Variants in ROBO2 observed in about 807,000 individuals in gnomAD.
ROBO2 encodes roundabout homolog 2.
In ROBO2, 53 loss-of-function variants were observed where a neutral mutation model predicts 160.8. That is an observed-to-expected ratio of 0.33 (90% CI 0.26 to 0.41). The LOEUF is 0.41. ROBO2 is among the 10% of genes least tolerant of loss of function. The pLI is 1.00. For missense variants in ROBO2, 1,577 were observed against 1,722.4 expected, an observed-to-expected ratio of 0.92 and a Z score of 1.49; for synonymous variants, 664 against 611.7, an observed-to-expected ratio of 1.09 and a Z score of -1.26.
chr3:77,025,550 G>T (rs2062911919), intron 2 of ROBO2, among the ~76,000 whole-genome samples: 1 of 152,124 alleles, frequency 6.6e-6, no homozygotes, highest in East Asian at 1.9e-4. Flanking sequence ...GAACATAAAG[G>T]GGGATGACAT....
intron 2 of ROBO2, among the ~76,000 whole-genome samples, chr3:76,253,370 T>G (rs1327806452): frequency 2.0e-5 from 3 of 152,052 alleles, no homozygotes; most frequent in East Asian, 3.9e-4. Flanking sequence ...CTCCCTAGGC[T>G]CAGGTGATTC....
intron 2 of ROBO2, among the ~76,000 whole-genome samples, chr3:76,009,263 C>A (rs571407530): frequency 6.6e-6 from 1 of 152,252 alleles, no homozygotes; most frequent in Non-Finnish European, 1.5e-5. Context: ...CTACCACGCC[C>A]GGATAATTTT....
At chr3:77,185,913 T>C (rs766967990) in intron 2 of ROBO2, among the ~76,000 whole-genome samples, 2 of 151,914 alleles carry the variant, frequency 1.3e-5, no homozygotes, top group African/African-American at 2.4e-5. Context: ...TTGTTCTAAG[T>C]GAAGTAGCTC....
chr3:76,432,999 C>T (rs1159372833), intron 2 of ROBO2, among the ~76,000 whole-genome samples: 1 of 152,128 alleles, frequency 6.6e-6, no homozygotes, highest in Non-Finnish European at 1.5e-5. Context: ...GACAAACTAG[C>T]ATTTAGAAAC....
At chr3:76,248,202 T>C (rs1705744151) in intron 2 of ROBO2, among the ~76,000 whole-genome samples, 1 of 152,024 alleles carries the variant, frequency 6.6e-6, no homozygotes, top group Admixed American at 6.6e-5. Flanking sequence ...GTATGTTTAT[T>C]GCGGCATTAT....
At position 77,407,315 on chromosome 3, in the gene ROBO2, TTTCTC is replaced by T. The variant is rs141303810; in HGVS notation, c.389-70097_389-70093del. Among the ~76,000 whole-genome samples, 1,517 of 152,292 alleles carry T rather than the reference TTTCTC, an allele frequency of 1.0e-2. 23 individuals carry two copies. The highest frequency in any genetic ancestry group is 0.032 in the African/African-American group (1,347 of 41,564). On this transcript the variant is annotated intron_variant, in intron 2 of 25. Transcript: ENST00000461745. ...AAAAAAAAATCAACTCTAGAGTAGT[TTTCTC>T]TAAGCCTTTTAGAATCGTTTCTTTA...
chr3:75,963,988 G>A lies in ROBO2; in HGVS notation c.109+26386G>A, dbSNP rs72888498. Reference sequence around the variant, plus strand: ...AATATGGTTACTTTCAGAAATACTAGGCTTTAGAATTTCACCGTATGAATT... The same window carrying A: ...AATATGGTTACTTTCAGAAATACTAAGCTTTAGAATTTCACCGTATGAATT... On this transcript the variant is annotated intron_variant, in intron 2 of 26. Coordinates refer to the ROBO2 transcript ENST00000487694. Among the ~76,000 whole-genome samples, 1,064 of 151,790 alleles carry A rather than the reference G, an allele frequency of 7.0e-3. 10 individuals carry two copies. Among genetic ancestry groups the A allele is most frequent in the African/African-American group, 0.024 (1,004 of 41,460 alleles).
At chr3:76,507,530 G>A (rs1372687319) in intron 2 of ROBO2, among the ~76,000 whole-genome samples, 1 of 152,056 alleles carries the variant, frequency 6.6e-6, no homozygotes, top group Non-Finnish European at 1.5e-5. Flanking sequence ...TCCCTTTACA[G>A]AGAATGCCTC....
intron 1 of ROBO2, among the ~76,000 whole-genome samples, chr3:77,048,029 A>G (rs2064862683): frequency 6.6e-6 from 1 of 152,162 alleles, no homozygotes; most frequent in Non-Finnish European, 1.5e-5. Flanking sequence ...CCTCGGCGAC[A>G]GAGTGAGACT....
At chr3:76,123,171 C>T (rs1202746943) in intron 2 of ROBO2, among the ~76,000 whole-genome samples, 5 of 149,958 alleles carry the variant, frequency 3.3e-5, no homozygotes, top group African/African-American at 1.3e-4. Context: ...GAAGCAAATA[C>T]TCTTTTTAAT....
chr3:77,562,108 TA>T (rs201781626), intron 9 of ROBO2, among the ~76,000 whole-genome samples: 5 of 151,232 alleles, frequency 3.3e-5, no homozygotes, highest in East Asian at 3.9e-4. Context: ...TGTCTCGGGG[TA>T]AAAAAAAAGT....
intron 2 of ROBO2, among the ~76,000 whole-genome samples, chr3:76,322,807 TACAGCA>T (rs1049628701): frequency 6.6e-6 from 1 of 152,178 alleles, no homozygotes; most frequent in African/African-American, 2.4e-5. Flanking sequence ...CAATTTTGAT[TACAGCA>T]ACCTTCTTAT....
At chr3:77,491,500 T>G (rs749532908) in intron 4 of ROBO2, among the ~76,000 whole-genome samples, 14 of 152,168 alleles carry the variant, frequency 9.2e-5, no homozygotes, top group Non-Finnish European at 1.6e-4. Flanking sequence ...GATATATTAA[T>G]CCTATTGCCT....
At chr3:76,803,295 A>T (rs1007126235) in intron 2 of ROBO2, among the ~76,000 whole-genome samples, 6 of 152,076 alleles carry the variant, frequency 3.9e-5, no homozygotes, top group South Asian at 2.1e-4. Context: ...ATTCCTCTGG[A>T]TAGCAAATGT....
At chr3:76,538,961 T>C (rs1017659723) in intron 2 of ROBO2, among the ~76,000 whole-genome samples, 1 of 152,126 alleles carries the variant, frequency 6.6e-6, no homozygotes, top group Non-Finnish European at 1.5e-5. Context: ...TCAACAATGA[T>C]AGACTGGATA....
At chr3:76,528,741 C>T (rs1480809603) in intron 2 of ROBO2, among the ~76,000 whole-genome samples, 1 of 152,004 alleles carries the variant, frequency 6.6e-6, no homozygotes. Flanking sequence ...CAGATGTGAT[C>T]ACCAGGGGAA....
Position 76,009,712 on chromosome 3 carries a change from A to C in ROBO2, c.109+72110A>C, listed in dbSNP as rs141135690. 3.3e-5 allele frequency among the ~76,000 whole-genome samples: 5 copies of C among 152,334 alleles called. No homozygotes were observed. In the East Asian group the frequency reaches 7.7e-4, roughly 24 times the overall value. On this transcript the variant is annotated intron_variant, in intron 2 of 26. Transcript: ENST00000487694. ...CTCATGCATATATAGTTTTAGTTTAATGTAAGTGAATAAGATACATAATAA... is the reference window on the plus strand; with the variant it reads ...CTCATGCATATATAGTTTTAGTTTACTGTAAGTGAATAAGATACATAATAA...
At chr3:77,101,398 G>A (rs1450584748) in intron 2 of ROBO2, among the ~76,000 whole-genome samples, 2 of 152,308 alleles carry the variant, frequency 1.3e-5, no homozygotes, top group East Asian at 1.9e-4. Context: ...GAACAGAACA[G>A]TATGGTAAAC....
intron 2 of ROBO2, among the ~76,000 whole-genome samples, chr3:76,488,238 G>C (rs1560030961): frequency 1.3e-5 from 2 of 152,124 alleles, no homozygotes; most frequent in African/African-American, 2.4e-5. Context: ...TGAATTCTTT[G>C]CCCAGTTTAC....
Sources: allele counts gnomAD v4.1 joint callset (sites outside exome capture counted in the v4.1 genomes callset), GRCh38; gene constraint gnomAD v4.1.1; transcripts MANE v1.5; gene names NCBI Gene and HGNC (gene_info 2026-07-23, HGNC 2026-07-21).